The following THRB variants were observed in gnomAD, a reference collection of about 807,000 sequenced individuals.
THRB encodes the protein nuclear receptor subfamily 1 group A member 2.
Under a neutral mutation model 47.8 loss-of-function variants are expected in THRB, and 12 were observed. The observed-to-expected ratio is 0.25, with a 90% confidence interval of 0.16 to 0.41. The LOEUF is 0.41. THRB is among the 10% of genes least tolerant of loss of function. The pLI, the probability that THRB is intolerant of heterozygous loss-of-function variation, is 1.00. For synonymous variants in THRB, 218 were observed against 212.2 expected, an observed-to-expected ratio of 1.03 and a Z score of -0.24; for missense variants, 348 against 589.2, an observed-to-expected ratio of 0.59 and a Z score of 4.24.
intron 1 of THRB, among the ~76,000 whole-genome samples, chr3:24,369,532 T>C (rs2064751279): frequency 6.6e-6 from 1 of 151,850 alleles, no homozygotes; most frequent in Non-Finnish European, 1.5e-5. Flanking sequence ...ACAACTTAAA[T>C]TGTAAGACGG....
chr3:24,284,773 A>G (rs2055063884), intron 3 of THRB, among the ~76,000 whole-genome samples: 1 of 150,610 alleles, frequency 6.6e-6, no homozygotes, highest in Non-Finnish European at 1.5e-5. Context: ...TGGGCAGAGG[A>G]CATGAACAGA....
intron 1 of THRB, among the ~76,000 whole-genome samples, chr3:24,376,724 A>T (rs1044501251): frequency 6.6e-6 from 1 of 152,158 alleles, no homozygotes; most frequent in Non-Finnish European, 1.5e-5. Context: ...GAGAATCTAA[A>T]ACCAGGCCTC....
rs569594296 is a variant in THRB, at chr3:24,481,085, T to C, written c.-261+13567A>G. On this transcript the variant is annotated intron_variant, in intron 1 of 10. Transcript: ENST00000646209. ...TAAGCCATTCTTAAGCAAGTTTCCT[T>C]ACAAATCATCAGATTGTGGATTTTT... is the stretch of plus-strand genomic sequence containing the variant. 1.4e-4 allele frequency among the ~76,000 whole-genome samples: 22 copies of C among 152,282 alleles called. No homozygotes were observed. In the South Asian group the frequency reaches 4.4e-3, roughly 30 times the overall value.
rs575011856 is a variant in THRB at position 24,122,050 on chromosome 3, T to C, written c.*834A>G. 4 of 152,804 alleles carry C rather than the reference T, an allele frequency of 2.6e-5. No homozygotes were observed. Among genetic ancestry groups the C allele is most frequent in the African/African-American group, 9.6e-5 (4 of 41,580 alleles). 9.5% of individuals were successfully genotyped at this position (152,804 alleles called of 1,614,324 possible). On this transcript the variant is annotated 3_prime_UTR_variant, in exon 11 of 11. Coordinates refer to ENST00000646209, the MANE Select transcript of THRB (RefSeq NM_001354712.2). ...GCCACAGAAAAGGGGTGCCACCCTG[T>C]AAATAGGTTTGATTTCTGTAAAAGT... is the stretch of plus-strand genomic sequence containing the variant.
chr3:24,351,063 T>C (rs898925461), intron 1 of THRB, among the ~76,000 whole-genome samples: 1 of 146,960 alleles, frequency 6.8e-6, no homozygotes, highest in African/African-American at 2.5e-5. Flanking sequence ...TAGTATGTTA[T>C]TCATTTTTTT....
rs77915772 is a variant in THRB at position 24,211,721 on chromosome 3, C to T, written c.22+17217G>A. Among the ~76,000 whole-genome samples, 245 of 152,306 alleles carry T rather than the reference C, an allele frequency of 1.6e-3. 4 individuals are homozygous for T. In the East Asian group the frequency reaches 0.042, roughly 26 times the overall value. On this transcript the variant is annotated intron_variant, in intron 4 of 10. Coordinates refer to ENST00000646209, the MANE Select transcript of THRB (RefSeq NM_001354712.2). ...TGGTGCCAAACCAAAGTGATCCTAC[C>T]TTGGCTAAGCCACACTGGAGTGACT... is the stretch of plus-strand genomic sequence containing the variant.
chr3:24,463,416 C>A (rs1190147041), intron 1 of THRB, among the ~76,000 whole-genome samples: 1 of 152,110 alleles, frequency 6.6e-6, no homozygotes, highest in African/African-American at 2.4e-5. Context: ...ACATGTGCGG[C>A]TAATTTTTTT....
chr3:24,276,801 G>T lies in THRB; in HGVS notation c.-43+20425C>A, dbSNP rs763325763. Among the ~76,000 whole-genome samples, 4 of 152,184 alleles carry T rather than the reference G, an allele frequency of 2.6e-5. 1 individual carries two copies. Among genetic ancestry groups the T allele is most frequent in the African/African-American group, 9.7e-5 (4 of 41,448 alleles). On this transcript the variant is annotated intron_variant, in intron 3 of 10. Transcript: ENST00000646209. ...TGTCTGCTGGGAGTGGGTAGGGGAG[G>T]GAAAGTCGTATGTGCTCAGGGAAGC... is the stretch of plus-strand genomic sequence containing the variant.
At chr3:24,292,370 T>C (rs1423968947) in intron 3 of THRB, among the ~76,000 whole-genome samples, 1 of 152,150 alleles carries the variant, frequency 6.6e-6, no homozygotes, top group Non-Finnish European at 1.5e-5. Flanking sequence ...TCCAGGGCCA[T>C]AGTAGCTGTA....
At chr3:24,386,421 C>T (rs1257872701) in intron 1 of THRB, among the ~76,000 whole-genome samples, 1 of 152,030 alleles carries the variant, frequency 6.6e-6, no homozygotes, top group Non-Finnish European at 1.5e-5. Context: ...CAGATATTAC[C>T]ACTTGTTTGC....
intron 3 of THRB, among the ~76,000 whole-genome samples, chr3:24,248,569 T>C (rs1048774892): frequency 3.9e-5 from 6 of 152,306 alleles, no homozygotes; most frequent in Middle Eastern, 3.4e-3. Context: ...GATGTGGCTA[T>C]TTCCCAGAGT....
At chr3:24,284,553 A>G (rs1275968529) in intron 3 of THRB, among the ~76,000 whole-genome samples, 6 of 151,844 alleles carry the variant, frequency 4.0e-5, no homozygotes, top group Non-Finnish European at 8.8e-5. Flanking sequence ...ACCAAAAGCA[A>G]TGTCAACAAA....
chr3:24,392,856 C>A (rs1282563695), intron 1 of THRB, among the ~76,000 whole-genome samples: 3 of 152,072 alleles, frequency 2.0e-5, no homozygotes, highest in Non-Finnish European at 4.4e-5. Flanking sequence ...TACCTCTATT[C>A]TCCTCTTTTG....
intron 1 of THRB, among the ~76,000 whole-genome samples, chr3:24,423,571 C>T (rs1276014149): frequency 6.6e-6 from 1 of 151,818 alleles, no homozygotes; most frequent in East Asian, 2.0e-4. Context: ...TCATTCTTGA[C>T]ATACATGTGA....
At chr3:24,390,730 C>T (rs1404457984) in intron 1 of THRB, among the ~76,000 whole-genome samples, 1 of 149,142 alleles carries the variant, frequency 6.7e-6, no homozygotes, top group Non-Finnish European at 1.5e-5. Context: ...CAGCTGTTTT[C>T]TTTTTAGCCA....
intron 1 of THRB, among the ~76,000 whole-genome samples, chr3:24,369,839 C>G (rs2064771855): frequency 6.6e-6 from 1 of 152,082 alleles, no homozygotes; most frequent in African/African-American, 2.4e-5. Context: ...TGCCCAATAC[C>G]TAGTAGCCCA....
At chr3:24,340,521 A>G (rs1467971244) in intron 1 of THRB, among the ~76,000 whole-genome samples, 5 of 148,882 alleles carry the variant, frequency 3.4e-5, no homozygotes, top group African/African-American at 1.3e-4. Flanking sequence ...TCATTCTTTT[A>G]AAGTTTTATT....
intron 2 of THRB, among the ~76,000 whole-genome samples, chr3:24,315,010 A>G (rs2058021245): frequency 6.6e-6 from 1 of 152,188 alleles, no homozygotes; most frequent in Non-Finnish European, 1.5e-5. Context: ...CCCCGACGGA[A>G]AAGCTTGAAA....
At chr3:24,249,029 G>T (rs1237919206) in intron 3 of THRB, among the ~76,000 whole-genome samples, 4 of 152,110 alleles carry the variant, frequency 2.6e-5, no homozygotes, top group African/African-American at 4.8e-5. Context: ...CCTGACTGCT[G>T]CATGTCAGTG....
Sources: allele counts gnomAD v4.1 joint callset (sites outside exome capture counted in the v4.1 genomes callset), GRCh38; gene constraint gnomAD v4.1.1; transcripts MANE v1.5; gene names NCBI Gene and HGNC (gene_info 2026-07-23, HGNC 2026-07-21).